The following PODXL variants were observed in gnomAD, a reference collection of about 807,000 sequenced individuals.
PODXL encodes podocalyxin.
In PODXL, 20 loss-of-function variants were observed where a neutral mutation model predicts 48.9. That is an observed-to-expected ratio of 0.41 (90% CI 0.29 to 0.59). PODXL has a LOEUF of 0.59. PODXL is among the 20% of genes least tolerant of loss of function. The pLI, the probability that PODXL is intolerant of heterozygous loss-of-function variation, is 0.31. For synonymous variants in PODXL, 295 were observed against 287.4 expected, an observed-to-expected ratio of 1.03 and a Z score of -0.27; for missense variants, 606 against 675.1, an observed-to-expected ratio of 0.90 and a Z score of 1.13.
At chr7:131,532,522 G>A (rs1002414535) in intron 1 of PODXL, among the ~76,000 whole-genome samples, 18 of 150,184 alleles carry the variant, frequency 1.2e-4, no homozygotes, top group African/African-American at 4.4e-4. Flanking sequence ...TTTTTTGGAG[G>A]GGGGGTACAT....
chr7:131,502,762 A>T lies in PODXL; in HGVS notation c.*1549T>A, dbSNP rs1797728522. 1 of 152,708 alleles carries T rather than the reference A, an allele frequency of 6.5e-6. No individual in the cohort carries two copies. Among genetic ancestry groups the T allele is most frequent in the Admixed American group, 6.5e-5 (1 of 15,282 alleles). The allele number at this position is 152,708 out of a possible 1,614,324, so 9.5% of individuals were successfully genotyped here. A position where few individuals can be genotyped will look rare whatever the true frequency, so the allele number is the denominator to read the frequency against. Reference sequence around the variant, plus strand: ...CTTCTCAATCAGATGAAACCTCACCATGCCCACTGCTTAGGAGCCTTCTAC... The same window carrying T: ...CTTCTCAATCAGATGAAACCTCACCTTGCCCACTGCTTAGGAGCCTTCTAC... On this transcript the variant is annotated 3_prime_UTR_variant, in exon 9 of 9. Transcript: ENST00000378555.
intron 1 of PODXL, among the ~76,000 whole-genome samples, chr7:131,522,848 A>G (rs1798111933): frequency 6.6e-6 from 1 of 152,158 alleles, no homozygotes; most frequent in Non-Finnish European, 1.5e-5. Context: ...CCATGCTAGC[A>G]TGTGTCTGTT....
At position 131,521,024 on chromosome 7, in the gene PODXL, C is replaced by T. The variant is rs193116995; in HGVS notation, c.101-9591G>A. On this transcript the variant is annotated intron_variant, in intron 1 of 8. Transcript: ENST00000378555. ...CTCTACTAAAAATACAAAAATTAGC[C>T]GGGCGTGGTGGCAGGTGCCTGTAAT... Among the ~76,000 whole-genome samples the T allele has an allele frequency of 2.3e-3, 347 of 152,086 alleles. 2 individuals carry two copies. Among genetic ancestry groups the T allele is most frequent in the African/African-American group, 7.8e-3 (325 of 41,496 alleles).
At chr7:131,524,368 A>ACACACACG (rs1554385085) in intron 1 of PODXL, among the ~76,000 whole-genome samples, 4 of 112,556 alleles carry the variant, frequency 3.6e-5, no homozygotes, top group African/African-American at 1.6e-4. Flanking sequence ...ACACGCACAC[A>ACACACACG]CACACACACA....
At chr7:131,538,196 CT>C (rs1404464516) in intron 1 of PODXL, among the ~76,000 whole-genome samples, 4 of 152,068 alleles carry the variant, frequency 2.6e-5, no homozygotes, top group African/African-American at 4.8e-5. Context: ...GATGACCCCC[CT>C]ACCCCCAGGC....
At chr7:131,546,981 C>T (rs1405906557) in intron 1 of PODXL, among the ~76,000 whole-genome samples, 3 of 152,182 alleles carry the variant, frequency 2.0e-5, no homozygotes, top group African/African-American at 7.2e-5. Flanking sequence ...AAACCTGGCC[C>T]TGTGAGGTCG....
Position 131,502,026 on chromosome 7 carries a change from T to G in PODXL, c.*2285A>C, listed in dbSNP as rs1797712859. On this transcript the variant is annotated 3_prime_UTR_variant, in exon 9 of 9. Transcript: ENST00000378555. ...GACCGACCTGGCCAGGCACTCCTGC[T>G]CTCTAGTCCTTGCCAGTCATCATCT... The G allele has an allele frequency of 6.6e-6, 1 of 152,196 alleles. No homozygotes were observed. Among genetic ancestry groups the G allele is most frequent in the African/African-American group, 2.4e-5 (1 of 41,434 alleles). The allele number at this position is 152,196 out of a possible 1,614,324, so 9.4% of individuals were successfully genotyped here. A position where few individuals can be genotyped will look rare whatever the true frequency, so the allele number is the denominator to read the frequency against.
rs1797687677 is a variant in PODXL, at chr7:131,500,781, T to C, written c.*3530A>G. 1 of 152,204 alleles carries C rather than the reference T, an allele frequency of 6.6e-6. No individual in the cohort carries two copies. The highest frequency in any genetic ancestry group is 1.5e-5 in the Non-Finnish European group (1 of 68,034). The allele number at this position is 152,204 out of a possible 1,614,324, so 9.4% of individuals were successfully genotyped here. On this transcript the variant is annotated 3_prime_UTR_variant, in exon 9 of 9. Coordinates refer to ENST00000378555, the MANE Select transcript of PODXL (RefSeq NM_001018111.3). ...TCCCTAGCCTTGCTAGGGTAACAAC[T>C]GGGAAAGGAATTCTGTCCTTTGTGT...
Position 131,540,438 on chromosome 7 carries a change from C to T in PODXL, c.100+15822G>A, listed in dbSNP as rs10253280. On this transcript the variant is annotated intron_variant, in intron 1 of 8. Transcript: ENST00000378555. ...GAGCCAGATTCTAACCCAACTGTCT[C>T]GGGGATGAGTGTTCTACCCTGCCCC... is the stretch of plus-strand genomic sequence containing the variant. 4.3e-3 allele frequency among the ~76,000 whole-genome samples: 648 copies of T among 152,084 alleles called. 8 individuals carry two copies. Among genetic ancestry groups the T allele is most frequent in the African/African-American group, 0.015 (611 of 41,464 alleles).
chr7:131,520,055 C>A, intron 1 of PODXL: 1 of 186,586 alleles, frequency 5.4e-6, no homozygotes, highest in Non-Finnish European at 1.1e-5. Flanking sequence ...AAAAACTTAC[C>A]AGAGTGACTC....
At chr7:131,516,399 C>T (rs750349709) in intron 1 of PODXL, among the ~76,000 whole-genome samples, 2 of 152,074 alleles carry the variant, frequency 1.3e-5, no homozygotes, top group African/African-American at 2.4e-5. Flanking sequence ...ATTAGCCGGG[C>T]GTGTTGGCGC....
At chr7:131,506,389 C>A (rs1761589808) in intron 6 of PODXL, 68 bp from the exon 7 acceptor site, 1 of 1,534,422 alleles carries the variant, frequency 6.5e-7, no homozygotes, top group Non-Finnish European at 9.0e-7. Context: ...GGGGACTGCG[C>A]CCCAAGAGAG....
intron 1 of PODXL, among the ~76,000 whole-genome samples, chr7:131,522,617 G>C (rs1798108697): frequency 6.6e-6 from 1 of 152,122 alleles, no homozygotes; most frequent in Non-Finnish European, 1.5e-5. Flanking sequence ...GTGAAGCCCA[G>C]CCTAACTCGT....
intron 8 of PODXL, among the ~76,000 whole-genome samples, chr7:131,505,143 C>T (rs1331372191): frequency 6.6e-6 from 1 of 152,182 alleles, no homozygotes; most frequent in Non-Finnish European, 1.5e-5. Context: ...GTGAGAACCA[C>T]AGGGTCTGGG....
chr7:131,545,142 T>C (rs1202998884), intron 1 of PODXL, among the ~76,000 whole-genome samples: 4 of 152,278 alleles, frequency 2.6e-5, no homozygotes, highest in Middle Eastern at 6.8e-3. Flanking sequence ...GGCAGAAAGA[T>C]CAAACATCAA....
intron 1 of PODXL, among the ~76,000 whole-genome samples, chr7:131,551,128 G>A (rs995131607): frequency 6.6e-6 from 1 of 152,174 alleles, no homozygotes; most frequent in African/African-American, 2.4e-5. Context: ...CAATTTTCTT[G>A]AAGGCTTTTC....
chr7:131,541,520 T>C (rs1798481270), intron 1 of PODXL, among the ~76,000 whole-genome samples: 1 of 152,040 alleles, frequency 6.6e-6, no homozygotes, highest in South Asian at 2.1e-4. Flanking sequence ...ACCCCATCTC[T>C]ACTAAAAATA....
intron 1 of PODXL, among the ~76,000 whole-genome samples, chr7:131,542,481 C>T (rs952174612): frequency 2.6e-5 from 4 of 152,150 alleles, no homozygotes; most frequent in Non-Finnish European, 5.9e-5. Context: ...TATAACGACA[C>T]CTCACCTCTA....
At chr7:131,526,900 G>A (rs1798196478) in intron 1 of PODXL, among the ~76,000 whole-genome samples, 1 of 151,814 alleles carries the variant, frequency 6.6e-6, no homozygotes. Context: ...CACCACGGCC[G>A]GCTAATTTTT....
Sources: allele counts gnomAD v4.1 joint callset (sites outside exome capture counted in the v4.1 genomes callset), GRCh38; gene constraint gnomAD v4.1.1; transcripts MANE v1.5; gene names NCBI Gene and HGNC (gene_info 2026-07-23, HGNC 2026-07-21).